HAUS7: variants seen among roughly 807,000 people sequenced by gnomAD.
The protein encoded by HAUS7 is HAUS augmin like complex subunit 7.
In HAUS7, 3 loss-of-function variants were observed where a neutral mutation model predicts 28.4. The observed-to-expected ratio is 0.11, with a 90% CI of 0.05 to 0.27. HAUS7 has a LOEUF of 0.27. HAUS7 is among the 10% of genes least tolerant of loss of function. HAUS7 has a pLI of 1.00. For missense variants in HAUS7, 284 were observed against 297.3 expected (o/e 0.96, Z 0.33); for synonymous variants, 165 against 132.1 (o/e 1.25, Z -1.71).
chrX:153,454,521 G>A lies in HAUS7; in HGVS notation c.931-13C>T, dbSNP rs1556981616. 3.9e-6 allele frequency: 2 copies of A among 515,808 alleles called. No individual in the cohort carries two copies. Among genetic ancestry groups the A allele is most frequent in the Admixed American group, 3.2e-5 (1 of 31,509 alleles). 42.5% of individuals were successfully genotyped at this position (515,808 alleles called of 1,213,427 possible). A position where few individuals can be genotyped will look rare whatever the true frequency, so the allele number is the denominator to read the frequency against. ...CCACTTGCAGCAGCTGGGGAGGGAG[G>A]GAGGGAGGGAGGGAGGGAGGGAGGG... On this transcript the variant is annotated splice_polypyrimidine_tract_variant and intron_variant, in intron 8 of 9. Transcript: ENST00000370211.
intron 4 of HAUS7, among the ~76,000 whole-genome samples, chrX:153,458,870 C>T (rs1010858410): frequency 8.9e-6 from 1 of 111,920 alleles, no homozygotes; most frequent in Non-Finnish European, 1.9e-5. Flanking sequence ...GTGATCCTCC[C>T]GCCTCAGCTT....
chrX:153,470,310 G>T, intron 1 of HAUS7, 140 bp downstream of exon 1: 1 of 561,500 alleles, frequency 1.8e-6, no homozygotes, highest in Non-Finnish European at 2.9e-6. Context: ...AGCACCCCCT[G>T]CTGCAAGGGA....
chrX:153,453,429 T>C (rs2089262540), intron 9 of HAUS7, among the ~76,000 whole-genome samples: 1 of 112,227 alleles, frequency 8.9e-6, no homozygotes, highest in Non-Finnish European at 1.9e-5. Context: ...TTATGTTATA[T>C]GAACTTGAAT....
chrX:153,453,731 G>C (rs1160095561), intron 9 of HAUS7, among the ~76,000 whole-genome samples: 1 of 111,217 alleles, frequency 9.0e-6, no homozygotes, highest in Non-Finnish European at 1.9e-5. Flanking sequence ...AGGATACGAG[G>C]AAACTGGATC....
chrX:153,490,793 T>A (rs1556989477), intron 1 of HAUS7, among the ~76,000 whole-genome samples: 3 of 112,693 alleles, frequency 2.7e-5, no homozygotes, highest in Non-Finnish European at 5.6e-5. Flanking sequence ...TACTCCCCAA[T>A]GACAGGCGGC....
intron 9 of HAUS7, among the ~76,000 whole-genome samples, chrX:153,449,125 C>A (rs181495543): frequency 1.6e-3 from 178 of 112,317 alleles, no homozygotes; most frequent in Admixed American, 0.013. Context: ...CCTCCCCCAG[C>A]AGACAGAGGA....
At chrX:153,461,912 C>T (rs1242274976) in intron 4 of HAUS7, 10 of 360,327 alleles carry the variant, frequency 2.8e-5, no homozygotes, top group Non-Finnish European at 9.8e-6. Flanking sequence ...ATGGAAAACA[C>T]GTGTTCAACC....
intron 1 of HAUS7, among the ~76,000 whole-genome samples, chrX:153,492,292 A>G: frequency 8.9e-6 from 1 of 112,531 alleles, no homozygotes; most frequent in East Asian, 2.8e-4. Flanking sequence ...CGCTGCAGAG[A>G]GAGCCCAGGC....
At chrX:153,466,254 G>A (rs2089453790) in intron 2 of HAUS7, among the ~76,000 whole-genome samples, 2 of 112,904 alleles carry the variant, frequency 1.8e-5, no homozygotes, top group African/African-American at 6.4e-5. Flanking sequence ...AGGCTCGGAG[G>A]AGCAGAGGGC....
intron 1 of HAUS7, among the ~76,000 whole-genome samples, chrX:153,477,058 G>T (rs782782888): frequency 2.7e-4 from 30 of 113,150 alleles, no homozygotes; most frequent in Admixed American, 2.5e-3. Context: ...GCCCACCCAG[G>T]TCAGCCACCA....
At chrX:153,455,822 C>T (rs2089300234) in intron 7 of HAUS7, 56 bp from the exon 8 acceptor site, 1 of 689,196 alleles carries the variant, frequency 1.5e-6, no homozygotes, top group Non-Finnish European at 2.3e-6. Flanking sequence ...GCCAGGCTGC[C>T]ACCGGCCCTC....
At position 153,454,437 on chromosome X, in the gene HAUS7, G is replaced by T; in HGVS notation, c.1002C>A (p.Gly334=). The T allele has an allele frequency of 8.4e-7, 1 of 1,188,807 alleles. No homozygotes were observed. The highest frequency in any genetic ancestry group is 1.8e-5 in the African/African-American group (1 of 55,756). Residue 334 remains glycine, a synonymous_variant, in exon 9 of 10, where the codon GGC becomes GGA. Transcript: ENST00000370211. The part of the protein sequence containing the change: ...KAVETVKKQQ[G]EQICWGGSSS... ...TGCTGCCACCCCAGCAGATCTGCTCGCCTTGCTGCTTCTTCACGGTCTCCA... is the reference window on the plus strand; with the variant it reads ...TGCTGCCACCCCAGCAGATCTGCTCTCCTTGCTGCTTCTTCACGGTCTCCA...
chrX:153,462,763 A>T, intron 3 of HAUS7, 92 bp from the exon 4 acceptor site: 2 of 712,781 alleles, frequency 2.8e-6, no homozygotes, highest in South Asian at 4.5e-5. Context: ...CACAGACTAG[A>T]CTGGGTATAG....
intron 2 of HAUS7, among the ~76,000 whole-genome samples, chrX:153,468,652 G>A (rs1210339563): frequency 8.9e-6 from 1 of 112,335 alleles, no homozygotes; most frequent in Non-Finnish European, 1.9e-5. Flanking sequence ...AACGGGTCAC[G>A]GCACAGAAGC....
chrX:153,464,762 ATC>A (rs2089435612), intron 3 of HAUS7, among the ~76,000 whole-genome samples: 1 of 111,818 alleles, frequency 8.9e-6, no homozygotes, highest in Middle Eastern at 4.2e-3. Context: ...ATCGGCAAAA[ATC>A]TCTGTCTCTG....
At chrX:153,486,548 G>T (rs2089639207) in intron 1 of HAUS7, 1 of 757,484 alleles carries the variant, frequency 1.3e-6, no homozygotes, top group Non-Finnish European at 1.8e-6. Flanking sequence ...CAGGGCAGGG[G>T]TCTCTGTCTC....
intron 1 of HAUS7, among the ~76,000 whole-genome samples, chrX:153,491,775 C>T (rs1235411437): frequency 8.8e-6 from 1 of 113,166 alleles, no homozygotes; most frequent in East Asian, 2.8e-4. Context: ...GCTGCCCTCC[C>T]CACGCAGCTG....
At chrX:153,465,171 CTCACTTTAAAGTGGTTACTTCTGTG>C in intron 2 of HAUS7, 116 bp from the exon 3 acceptor site, 1 of 481,661 alleles carries the variant, frequency 2.1e-6, no homozygotes, top group African/African-American at 2.3e-5. Flanking sequence ...CACGGAGCGG[CTCACTTTAAAGTGGTTACTTCTGTG>C]TCACGTGGAT....
intron 4 of HAUS7, among the ~76,000 whole-genome samples, chrX:153,460,560 T>TA (rs782215714): frequency 1.5e-3 from 143 of 97,962 alleles, no homozygotes; most frequent in East Asian, 3.4e-3. Context: ...TTTTTTAAAT[T>TA]AAAAAAAAAA....
Sources: gnomAD v4.1 joint callset for allele counts (sites outside exome capture counted in the v4.1 genomes callset) on GRCh38, gnomAD v4.1.1 for gene constraint, MANE v1.5 for transcripts, NCBI Gene and HGNC (gene_info 2026-07-23, HGNC 2026-07-21) for gene names.